The following NAA60 variants were observed in gnomAD, a reference collection of about 807,000 sequenced individuals.
NAA60 encodes N-alpha-acetyltransferase 60, NatF catalytic subunit, also known as N-alpha-acetyltransferase 60.
A neutral mutation model predicts 26.1 loss-of-function variants in NAA60; 8 were observed. The observed-to-expected ratio is 0.31, with a 90% CI of 0.18 to 0.55. NAA60 has a LOEUF of 0.55. NAA60 is among the 20% of genes least tolerant of loss of function. NAA60 has a pLI of 0.93. For missense variants in NAA60, 290 were observed against 311.3 expected (o/e 0.93, Z 0.51); for synonymous variants, 131 against 122.5 (o/e 1.07, Z -0.46).
At chr16:3,452,983 T>A (rs2034844461) in intron 2 of NAA60, among the ~76,000 whole-genome samples, 1 of 152,018 alleles carries the variant, frequency 6.6e-6, no homozygotes, top group African/African-American at 2.4e-5. Context: ...TAATCCCCTA[T>A]GTTGGTGAGG....
chr16:3,457,335 G>A (rs1209745936), intron 2 of NAA60, among the ~76,000 whole-genome samples: 1 of 152,176 alleles, frequency 6.6e-6, no homozygotes, highest in Non-Finnish European at 1.5e-5. Context: ...AGGCATGGTG[G>A]TTCACACCTG....
chr16:3,456,572 A>G (rs2035005297), intron 2 of NAA60, among the ~76,000 whole-genome samples: 1 of 152,238 alleles, frequency 6.6e-6, no homozygotes, highest in South Asian at 2.1e-4. Flanking sequence ...GAAGTTGCCA[A>G]CATTGTGCTC....
chr16:3,461,050 G>GACAT (rs1555485762), intron 2 of NAA60, among the ~76,000 whole-genome samples: 1 of 151,860 alleles, frequency 6.6e-6, no homozygotes, highest in Non-Finnish European at 1.5e-5. Flanking sequence ...TTACAGGAGT[G>GACAT]AGTTTGCCAG....
intron 2 of NAA60, among the ~76,000 whole-genome samples, chr16:3,463,227 C>T (rs1191070350): frequency 6.6e-6 from 1 of 152,020 alleles, no homozygotes; most frequent in Non-Finnish European, 1.5e-5. Flanking sequence ...TAACTAAAAG[C>T]AGCCTGTGAG....
chr16:3,478,373 C>T (rs2036614997), intron 3 of NAA60, among the ~76,000 whole-genome samples: 3 of 152,222 alleles, frequency 2.0e-5, no homozygotes, highest in East Asian at 3.8e-4. Context: ...CACGCTGGAC[C>T]GTGGGCCTTG....
chr16:3,476,344 G>A lies in NAA60; in HGVS notation c.110+7G>A, dbSNP rs532478857. The A allele has an allele frequency of 6.2e-7, 1 of 1,611,402 alleles. No homozygotes were observed. The highest frequency in any genetic ancestry group is 1.7e-5 in the Admixed American group (1 of 59,914). ...GCGACTGGTTCCCCATCGAGTAAGT[G>A]GAGCGGATTGCAGGGTTGGGGAGAG... is the stretch of plus-strand genomic sequence containing the variant. On this transcript the variant is annotated splice_region_variant and intron_variant, in intron 3 of 7. Coordinates refer to ENST00000407558, the MANE Select transcript of NAA60 (RefSeq NM_001083601.3).
chr16:3,444,053 T>TA (rs1294598970), intron 1 of NAA60, among the ~76,000 whole-genome samples: 1 of 152,116 alleles, frequency 6.6e-6, no homozygotes, highest in Non-Finnish European at 1.5e-5. Context: ...CTCAAAGTGT[T>TA]ATAGAGGCAT....
intron 6 of NAA60, among the ~76,000 whole-genome samples, chr16:3,484,175 G>A (rs1428274846): frequency 1.3e-5 from 2 of 151,900 alleles, no homozygotes; most frequent in African/African-American, 2.4e-5. Context: ...AATGCTGTGC[G>A]TGTGTGTGTG....
chr16:3,446,962 C>T (rs1596277758), intron 1 of NAA60, among the ~76,000 whole-genome samples: 2 of 152,106 alleles, frequency 1.3e-5, no homozygotes, highest in South Asian at 2.1e-4. Flanking sequence ...CTGGCTCAGC[C>T]TCCCGAGTAG....
chr16:3,479,057 G>T (rs1449594431), intron 3 of NAA60, among the ~76,000 whole-genome samples: 2 of 152,078 alleles, frequency 1.3e-5, no homozygotes, highest in Non-Finnish European at 2.9e-5. Context: ...CCAACATGGA[G>T]AAACCCCATC....
intron 2 of NAA60, among the ~76,000 whole-genome samples, chr16:3,464,582 C>T (rs1273203121): frequency 1.3e-5 from 2 of 152,132 alleles, no homozygotes; most frequent in South Asian, 2.1e-4. Flanking sequence ...AGTTTTCTCT[C>T]CGAGAACAGA....
chr16:3,462,988 T>C (rs1259984177), intron 2 of NAA60, among the ~76,000 whole-genome samples: 3 of 152,212 alleles, frequency 2.0e-5, no homozygotes, highest in Non-Finnish European at 4.4e-5. Context: ...TGTTCTTTAA[T>C]GGTTATGTAG....
intron 1 of NAA60, chr16:3,447,563 A>G: frequency 1.0e-6 from 1 of 985,422 alleles, no homozygotes; most frequent in Non-Finnish European, 1.2e-6. Flanking sequence ...CTTCATGGGA[A>G]GTTGATACTG....
chr16:3,475,558 C>T (rs894664788), intron 2 of NAA60, among the ~76,000 whole-genome samples: 1 of 152,334 alleles, frequency 6.6e-6, no homozygotes, highest in African/African-American at 2.4e-5. Context: ...CCTCCCGCCC[C>T]TGGATTGGAT....
chr16:3,462,902 T>A (rs1182971773), intron 2 of NAA60, among the ~76,000 whole-genome samples: 2 of 152,238 alleles, frequency 1.3e-5, no homozygotes, highest in African/African-American at 2.4e-5. Context: ...ATGCCTTTTT[T>A]AAATGTTTTT....
In NAA60 at chr16:3,479,494, A is replaced by G. The variant is rs1285263218; in HGVS notation, c.134A>G (p.Asp45Gly). Residue 45 changes from aspartate (D) to glycine (G), a missense_variant, in exon 4 of 8, where the codon GAT becomes GGT. Asp to Gly is a moderately conservative substitution (Grantham distance 94). Transcript: ENST00000407558. ...PIEYPDSWYRDITSNKKFFSL... is the reference protein window; with the variant it reads ...PIEYPDSWYRGITSNKKFFSL... ...AGGTACCCAGACTCATGGTATCGTG[A>G]TATCACATCCAACAAGAAGTTCTTT... The G allele has an allele frequency of 1.2e-6, 2 of 1,614,048 alleles. No individual in the cohort carries two copies. The highest frequency in any genetic ancestry group is 1.7e-6 in the Non-Finnish European group (2 of 1,179,902).
chr16:3,485,734 A>G lies in NAA60; in HGVS notation c.*474A>G, dbSNP rs1384893244. The G allele has an allele frequency of 2.2e-6, 1 of 455,076 alleles. No homozygotes were observed. Among genetic ancestry groups the G allele is most frequent in the South Asian group, 1.6e-5 (1 of 64,492 alleles). The allele number at this position is 455,076 out of a possible 1,614,324, so 28.2% of individuals were successfully genotyped here. ...CAGGAGCCTCGGAACAAGGGGGCGC[A>G]ATAAAGGGAATGGCCCGTCCCCTTC... On this transcript the variant is annotated 3_prime_UTR_variant, in exon 8 of 8. Transcript: ENST00000407558.
chr16:3,460,255 A>G (rs1261718913), intron 2 of NAA60, among the ~76,000 whole-genome samples: 1 of 152,200 alleles, frequency 6.6e-6, no homozygotes, highest in Non-Finnish European at 1.5e-5. Context: ...GTTTTCTTAA[A>G]TGGCAGCTCC....
chr16:3,444,056 A>G (rs995267366), intron 1 of NAA60, among the ~76,000 whole-genome samples: 2 of 152,190 alleles, frequency 1.3e-5, no homozygotes, highest in Non-Finnish European at 2.9e-5. Flanking sequence ...AAAGTGTTAT[A>G]GAGGCATTAC....
Sources: allele counts gnomAD v4.1 joint callset (sites outside exome capture counted in the v4.1 genomes callset), GRCh38; gene constraint gnomAD v4.1.1; transcripts MANE v1.5; gene names NCBI Gene and HGNC (gene_info 2026-07-23, HGNC 2026-07-21).